The following SLC44A3 variants were observed in gnomAD, a reference collection of about 807,000 sequenced individuals.
The protein encoded by SLC44A3 is solute carrier family 44 member 3.
In SLC44A3, 74 loss-of-function variants were observed where a neutral mutation model predicts 75.4. The observed-to-expected ratio is 0.98, with a 90% confidence interval of 0.81 to 1.19. The LOEUF (loss-of-function observed/expected upper bound fraction) is 1.19, where lower values mean the gene tolerates loss of function less well. SLC44A3 is among the 50% of genes most tolerant of loss of function. The pLI, the probability that SLC44A3 is intolerant of heterozygous loss-of-function variation, is 0.00. For missense variants in SLC44A3, 700 were observed against 778.6 expected (o/e 0.90, Z 1.20); for synonymous variants, 310 against 296.9 (o/e 1.04, Z -0.45).
intron 12 of SLC44A3, among the ~76,000 whole-genome samples, chr1:94,888,212 C>T (rs1282729762): frequency 2.0e-5 from 3 of 152,094 alleles, no homozygotes; most frequent in Non-Finnish European, 2.9e-5. Context: ...CTGTGCTTAC[C>T]GTAACCACCA....
At chr1:94,842,849 A>G (rs373877823) in intron 8 of SLC44A3, among the ~76,000 whole-genome samples, 1 of 152,236 alleles carries the variant, frequency 6.6e-6, no homozygotes, top group African/African-American at 2.4e-5. Flanking sequence ...GCAAATGCAG[A>G]TTCTCACACC....
chr1:94,822,726 C>G (rs1660783039), intron 2 of SLC44A3, among the ~76,000 whole-genome samples: 1 of 152,234 alleles, frequency 6.6e-6, no homozygotes, highest in South Asian at 2.1e-4. Context: ...CCTCCAGTAT[C>G]CTCTCCTGCC....
intron 10 of SLC44A3, among the ~76,000 whole-genome samples, chr1:94,863,407 A>G (rs1016404670): frequency 3.9e-5 from 6 of 152,226 alleles, no homozygotes; most frequent in African/African-American, 7.2e-5. Context: ...ACAGAGGCCT[A>G]TGAATCATGT....
chr1:94,823,463 C>T (rs1017993576), intron 2 of SLC44A3, among the ~76,000 whole-genome samples: 1 of 152,204 alleles, frequency 6.6e-6, no homozygotes, highest in Non-Finnish European at 1.5e-5. Flanking sequence ...AGGAGGTCTG[C>T]AGCCCGTAAG....
chr1:94,842,188 G>T, intron 8 of SLC44A3, 64 bp downstream of exon 8: 21 of 1,499,162 alleles, frequency 1.4e-5, no homozygotes, highest in Non-Finnish European at 1.9e-5. Context: ...CCAAATCATT[G>T]AATTCTAGCC....
chr1:94,891,534 T>C (rs926317043), intron 13 of SLC44A3, among the ~76,000 whole-genome samples: 2 of 152,234 alleles, frequency 1.3e-5, no homozygotes, highest in Non-Finnish European at 2.9e-5. Context: ...AGTTCTACCA[T>C]TCTGATTCCC....
At chr1:94,840,448 C>A (rs577451556) in intron 7 of SLC44A3, among the ~76,000 whole-genome samples, 10 of 152,020 alleles carry the variant, frequency 6.6e-5, no homozygotes, top group South Asian at 6.2e-4. Context: ...TGCCACTACA[C>A]CCAGCTAATT....
intron 9 of SLC44A3, among the ~76,000 whole-genome samples, chr1:94,853,258 G>C (rs1226898886): frequency 6.6e-6 from 1 of 152,212 alleles, no homozygotes; most frequent in African/African-American, 2.4e-5. Flanking sequence ...AGTGTGGCAA[G>C]TGCTGCCGCT....
At chr1:94,853,590 TATC>T (rs1410964037) in intron 9 of SLC44A3, among the ~76,000 whole-genome samples, 2 of 152,180 alleles carry the variant, frequency 1.3e-5, no homozygotes, top group Non-Finnish European at 2.9e-5. Flanking sequence ...CATTTATTAA[TATC>T]ATGTTCTGGG....
In SLC44A3 at chr1:94,891,554, G is replaced by C. The variant is rs547315217; in HGVS notation, c.1620+287G>C. Among the ~76,000 whole-genome samples, 3 of 152,186 alleles carry C rather than the reference G, an allele frequency of 2.0e-5. No homozygotes were observed. In the East Asian group the frequency reaches 5.8e-4, roughly 29 times the overall value. On this transcript the variant is annotated intron_variant, in intron 13 of 14. Transcript: ENST00000271227. ...TACCATTCTGATTCCCTCTTTTTCA[G>C]GTCTAAAATGAAAATGCTACTAATC...
chr1:94,827,614 A>C lies in SLC44A3; in HGVS notation c.386A>C (p.Glu129Ala), dbSNP rs1186101297. 2 of 1,614,036 alleles carry C rather than the reference A, an allele frequency of 1.2e-6. No individual in the cohort carries two copies. The highest frequency in any genetic ancestry group is 1.7e-6 in the Non-Finnish European group (2 of 1,180,028). Reference protein sequence around the residue: ...NCPEEQLDSLEEVQFFANTSG... With the variant: ...NCPEEQLDSLAEVQFFANTSG... ...CCTGAAGAGCAGCTTGACTCCCTGG[A>C]AGAGGTCCAGTTCTTTGCAAACACC... is the stretch of plus-strand genomic sequence containing the variant. The change falls in exon 4 of 15, where the codon GAA becomes GCA. Residue 129 changes from glutamate (E) to alanine (A), a missense_variant. Physicochemically the swap from Glu to Ala is moderately radical, Grantham distance 107. Coordinates refer to ENST00000271227, the MANE Select transcript of SLC44A3 (RefSeq NM_001114106.3).
At chr1:94,868,178 A>G (rs1271767925) in intron 12 of SLC44A3, among the ~76,000 whole-genome samples, 2 of 152,192 alleles carry the variant, frequency 1.3e-5, no homozygotes, top group Admixed American at 6.5e-5. Context: ...TAGAGCATTT[A>G]GGAGATTTTA....
chr1:94,837,186 T>C (rs1344627917), intron 5 of SLC44A3, among the ~76,000 whole-genome samples: 1 of 151,996 alleles, frequency 6.6e-6, no homozygotes, highest in Non-Finnish European at 1.5e-5. Flanking sequence ...GCAGGGGAAA[T>C]GAGAGATGCT....
chr1:94,850,512 T>C (rs1297446976), intron 9 of SLC44A3, among the ~76,000 whole-genome samples: 2 of 152,170 alleles, frequency 1.3e-5, no homozygotes, highest in Non-Finnish European at 2.9e-5. Context: ...ATCACAGGAC[T>C]GCACACAGCA....
At chr1:94,875,736 CCAA>C (rs1668210364) in intron 12 of SLC44A3, among the ~76,000 whole-genome samples, 1 of 152,158 alleles carries the variant, frequency 6.6e-6, no homozygotes, top group African/African-American at 2.4e-5. Flanking sequence ...GGGACTGTTT[CCAA>C]CAACACTAGT....
intron 10 of SLC44A3, among the ~76,000 whole-genome samples, 171 bp downstream of exon 10, chr1:94,857,671 A>G (rs1666059691): frequency 1.3e-5 from 2 of 152,244 alleles, no homozygotes; most frequent in Admixed American, 6.5e-5. Context: ...TGGTGAGAAG[A>G]AATATTACAC....
chr1:94,822,817 T>G (rs142384992), intron 2 of SLC44A3, among the ~76,000 whole-genome samples: 5 of 152,174 alleles, frequency 3.3e-5, no homozygotes, highest in Admixed American at 1.3e-4. Context: ...TGGTGGCCAA[T>G]GTACTAGACC....
intron 10 of SLC44A3, among the ~76,000 whole-genome samples, chr1:94,857,725 A>G (rs1308894633): frequency 1.3e-5 from 2 of 152,146 alleles, no homozygotes; most frequent in Non-Finnish European, 2.9e-5. Flanking sequence ...TAAGCTAGAA[A>G]ATTTAGAAAG....
chr1:94,849,953 G>T (rs760597348), intron 9 of SLC44A3, among the ~76,000 whole-genome samples: 2 of 152,004 alleles, frequency 1.3e-5, no homozygotes, highest in African/African-American at 2.4e-5. Context: ...TTGCCGTGTT[G>T]CCCAGGTTGG....
Sources: allele counts gnomAD v4.1 joint callset (sites outside exome capture counted in the v4.1 genomes callset), GRCh38; gene constraint gnomAD v4.1.1; transcripts MANE v1.5; gene names NCBI Gene and HGNC (gene_info 2026-07-23, HGNC 2026-07-21).